CLRN1: variants seen among roughly 807,000 people sequenced by gnomAD.
The protein encoded by CLRN1 is clarin-1.
In CLRN1, 15 loss-of-function variants were observed where a neutral mutation model predicts 18.7. That is an observed-to-expected ratio of 0.80 (90% CI 0.54 to 1.23). CLRN1 has a LOEUF of 1.23. Ranked by LOEUF, CLRN1 falls within the 50% of genes most tolerant of loss-of-function variation. The pLI is 0.00. For synonymous variants in CLRN1, 104 were observed against 102.9 expected, an observed-to-expected ratio of 1.01 and a Z score of -0.07; for missense variants, 311 against 277.5, an observed-to-expected ratio of 1.12 and a Z score of -0.86.
At chr3:150,965,889 A>G (rs1715237569) in intron 1 of CLRN1, among the ~76,000 whole-genome samples, 1 of 152,266 alleles carries the variant, frequency 6.6e-6, no homozygotes, top group African/African-American at 2.4e-5. Context: ...GATAGTTACT[A>G]GGGGAAGGGA....
chr3:150,942,248 A>G (rs371461285), intron 1 of CLRN1, among the ~76,000 whole-genome samples: 6 of 152,324 alleles, frequency 3.9e-5, no homozygotes, highest in African/African-American at 1.4e-4. Context: ...AAGAATGGAG[A>G]TATTTTCAGT....
At chr3:150,939,445 C>A (rs1713678802) in intron 2 of CLRN1, among the ~76,000 whole-genome samples, 1 of 152,200 alleles carries the variant, frequency 6.6e-6, no homozygotes, top group Non-Finnish European at 1.5e-5. Context: ...ACATTACCAT[C>A]TTGGAGTTAC....
intron 1 of CLRN1, among the ~76,000 whole-genome samples, chr3:150,960,244 A>T (rs1470108548): frequency 6.6e-6 from 1 of 152,176 alleles, no homozygotes; most frequent in Non-Finnish European, 1.5e-5. Flanking sequence ...ATTTTAAGTA[A>T]TTGTCTAAAT....
At chr3:150,969,217 T>C (rs1158531593) in intron 1 of CLRN1, among the ~76,000 whole-genome samples, 1 of 148,872 alleles carries the variant, frequency 6.7e-6, no homozygotes, top group Admixed American at 6.7e-5. Flanking sequence ...ATTAATTTCA[T>C]CTATTCCTTT....
Position 150,927,900 on chromosome 3 carries a change from T to C in CLRN1, c.*36A>G, listed in dbSNP as rs768800742. On this transcript the variant is annotated 3_prime_UTR_variant, in exon 3 of 3. Transcript: ENST00000327047. ...CACATCTAAAAGTGACCAAAGCAAG[T>C]CTACTCCCTTGTAAAATTATAGAAA... 2.4e-5 allele frequency: 39 copies of C among 1,613,156 alleles called. No individual in the cohort carries two copies. The highest frequency in any genetic ancestry group is 1.7e-6 in the Non-Finnish European group (2 of 1,179,658).
In CLRN1 at chr3:150,972,502, C is replaced by T; in HGVS notation, c.207G>A (p.Glu69=). Residue 69 remains glutamate (E), a synonymous_variant, in exon 1 of 3, where the codon GAG becomes GAA. Transcript: ENST00000327047. ...GEMQYGLFHG[E]GVRQCGLGAR... is the part of the protein sequence containing the mutation. ...CTCCCAACCCACACTGCCTCACACC[C>T]TCTCCGTGGAAAAGCCCGTACTGCA... 2 of 1,614,210 alleles carry T rather than the reference C, an allele frequency of 1.2e-6. No individual in the cohort carries two copies. The highest frequency in any genetic ancestry group is 2.2e-5 in the South Asian group (2 of 91,080).
chr3:150,971,685 A>G (rs979610548), intron 1 of CLRN1, among the ~76,000 whole-genome samples: 2 of 152,244 alleles, frequency 1.3e-5, no homozygotes, highest in Non-Finnish European at 2.9e-5. Context: ...TGTAAGAGAT[A>G]TAACAAATGA....
At chr3:150,951,374 A>T (rs1714473938) in intron 1 of CLRN1, among the ~76,000 whole-genome samples, 1 of 151,976 alleles carries the variant, frequency 6.6e-6, no homozygotes, top group African/African-American at 2.4e-5. Flanking sequence ...GTCTCACTCC[A>T]TTGCCCAGGC....
rs1713838259 is a variant in CLRN1 at position 150,941,516 on chromosome 3, A to C, written c.433+66T>G. 5 of 1,463,818 alleles carry C rather than the reference A, an allele frequency of 3.4e-6. No individual in the cohort carries two copies. In the Admixed American group the frequency reaches 8.6e-5, roughly 25 times the overall value. The allele number at this position is 1,463,818 out of a possible 1,614,324, so 90.7% of individuals were successfully genotyped here. On this transcript the variant is annotated intron_variant, in intron 2 of 2. Transcript: ENST00000327047. ...ATGTTAAGATTATAACTTTATATTT[A>C]GGTAGACGGTCTTTTTGACATATTG...
chr3:150,972,881 G>A, upstream of CLRN1: 1 of 827,372 alleles, frequency 1.2e-6, no homozygotes, highest in Non-Finnish European at 2.0e-6. Context: ...GTAGATGAAG[G>A]CCTCATCATC....
chr3:150,935,996 GT>G lies in CLRN1; in HGVS notation c.433+5585del, dbSNP rs1406575013. Among the ~76,000 whole-genome samples the G allele has an allele frequency of 2.0e-5, 3 of 151,808 alleles. No individual in the cohort carries two copies. The South Asian group carries it at 6.3e-4, about 32-fold the overall frequency. ...CACCCACTTTTTGATGGGGTTGTTT[GT>G]TTTTTTCTTGTAAATTTGTTTGAGT... is the stretch of plus-strand genomic sequence containing the variant. On this transcript the variant is annotated intron_variant, in intron 2 of 2. Transcript: ENST00000327047.
intron 1 of CLRN1, among the ~76,000 whole-genome samples, chr3:150,961,848 A>G (rs917178862): frequency 6.6e-6 from 1 of 152,170 alleles, no homozygotes; most frequent in Non-Finnish European, 1.5e-5. Flanking sequence ...CTCCTTTAAT[A>G]TCACCCATAA....
chr3:150,970,515 A>AG (rs1174245206), intron 1 of CLRN1, among the ~76,000 whole-genome samples: 2 of 112,854 alleles, frequency 1.8e-5, no homozygotes, highest in South Asian at 3.1e-4. Flanking sequence ...TTTTATGCTT[A>AG]GGAAAAAAAA....
intron 2 of CLRN1, among the ~76,000 whole-genome samples, chr3:150,939,456 C>A (rs1042118578): frequency 6.6e-6 from 1 of 152,164 alleles, no homozygotes. Context: ...TTGGAGTTAC[C>A]TCGGAGTCTC....
At chr3:150,931,236 T>TA (rs896029718) in intron 2 of CLRN1, among the ~76,000 whole-genome samples, 47 of 152,368 alleles carry the variant, frequency 3.1e-4, no homozygotes, top group African/African-American at 1.1e-3. Flanking sequence ...CTTTGTGGCA[T>TA]GGCTGCTAAG....
chr3:150,941,768 A>T lies in CLRN1; in HGVS notation c.254-7T>A, dbSNP rs765776041. Reference sequence around the variant, plus strand: ...TTGAGCAAATCTGGAAAAACTGAAGATAAGACAAAACTAGGGTTAGAAGAA... The same window carrying T: ...TTGAGCAAATCTGGAAAAACTGAAGTTAAGACAAAACTAGGGTTAGAAGAA... On this transcript the variant is annotated splice_polypyrimidine_tract_variant and splice_region_variant and intron_variant, in intron 1 of 2. Coordinates refer to ENST00000327047, the MANE Select transcript of CLRN1 (RefSeq NM_174878.3). The T allele has an allele frequency of 3.1e-6, 5 of 1,613,584 alleles. No homozygotes were observed. The East Asian group carries it at 1.1e-4, about 36-fold the overall frequency.
chr3:150,941,124 T>TTGTC (rs1278553633), intron 2 of CLRN1, among the ~76,000 whole-genome samples: 1 of 141,948 alleles, frequency 7.0e-6, no homozygotes, highest in African/African-American at 2.7e-5. Context: ...GGAGTCTGTA[T>TTGTC]TGTCTGTCTG....
At chr3:150,929,815 A>G (rs73153880) in intron 2 of CLRN1, among the ~76,000 whole-genome samples, 24 of 152,368 alleles carry the variant, frequency 1.6e-4, no homozygotes, top group Non-Finnish European at 2.8e-4. Context: ...ACACCTGACT[A>G]CATCAGGGTA....
At chr3:150,967,618 A>G (rs1361557103) in intron 1 of CLRN1, among the ~76,000 whole-genome samples, 1 of 152,158 alleles carries the variant, frequency 6.6e-6, no homozygotes, top group Admixed American at 6.5e-5. Context: ...CACACAGACC[A>G]TAGGGGGAAA....
Sources: allele counts gnomAD v4.1 joint callset (sites outside exome capture counted in the v4.1 genomes callset), GRCh38; gene constraint gnomAD v4.1.1; transcripts MANE v1.5; gene names NCBI Gene and HGNC (gene_info 2026-07-23, HGNC 2026-07-21).